The following C4orf17 variants were observed in gnomAD, a reference collection of about 807,000 sequenced individuals.
The protein encoded by C4orf17 is uncharacterized protein C4orf17.
A neutral mutation model predicts 32.0 loss-of-function variants in C4orf17; 25 were observed. That is an observed-to-expected ratio of 0.78 (90% CI 0.57 to 1.09). The LOEUF (loss-of-function observed/expected upper bound fraction) is 1.09, where lower values mean the gene tolerates loss of function less well. C4orf17 is among the 50% of genes least tolerant of loss of function. The pLI, the probability that C4orf17 is intolerant of heterozygous loss-of-function variation, is 0.00. For synonymous variants in C4orf17, 149 were observed against 145.8 expected (o/e 1.02, Z -0.16); for missense variants, 420 against 420.0 (o/e 1.00, Z 0.00).
In C4orf17 at chr4:99,514,654, G is replaced by A. The variant is rs555806555; in HGVS notation, c.127+1446G>A. 2.0e-5 allele frequency among the ~76,000 whole-genome samples: 3 copies of A among 152,332 alleles called. No individual in the cohort carries two copies. The South Asian group carries it at 6.2e-4, about 32-fold the overall frequency. On this transcript the variant is annotated intron_variant, in intron 2 of 8. Coordinates refer to ENST00000326581, the MANE Select transcript of C4orf17 (RefSeq NM_032149.3). ...AGGGAACACTTTTACACTTATGGTA[G>A]AAGTGTAAACTAGTGTACAACCACT...
At chr4:99,533,707 T>C (rs1441534059) in intron 5 of C4orf17, among the ~76,000 whole-genome samples, 4 of 152,188 alleles carry the variant, frequency 2.6e-5, no homozygotes, top group Non-Finnish European at 5.9e-5. Flanking sequence ...AGGGTGATTC[T>C]GAGACCTGGT....
rs138776014 is a variant in C4orf17, at chr4:99,536,215, C to A, written c.547-1454C>A. ...GGTCAGGAGGAATGGGATCAGGGAC[C>A]TACTTAAAGAAGCAGTCTGACTGCT... On this transcript the variant is annotated intron_variant, in intron 5 of 8. Coordinates refer to ENST00000326581, the MANE Select transcript of C4orf17 (RefSeq NM_032149.3). 925 of 195,742 alleles carry A rather than the reference C, an allele frequency of 4.7e-3. 7 individuals are homozygous for A. The highest frequency in any genetic ancestry group is 0.019 in the African/African-American group (821 of 42,186). The allele number at this position is 195,742 out of a possible 1,614,324, so 12.1% of individuals were successfully genotyped here.
intron 2 of C4orf17, 31 bp from the exon 3 acceptor site, chr4:99,522,469 C>A: frequency 6.5e-7 from 1 of 1,545,790 alleles, no homozygotes; most frequent in Non-Finnish European, 8.9e-7. Context: ...GTTGCTTGAT[C>A]TGTCTCTTTT....
At chr4:99,518,485 T>TAA (rs574883283) in intron 2 of C4orf17, among the ~76,000 whole-genome samples, 1 of 8,004 alleles carries the variant, frequency 1.2e-4, no homozygotes, top group Non-Finnish European at 2.2e-4. Context: ...CCTGTCTCTT[T>TAA]AAAAAAAAAA....
At chr4:99,515,695 C>T (rs1397098806) in intron 2 of C4orf17, among the ~76,000 whole-genome samples, 1 of 151,688 alleles carries the variant, frequency 6.6e-6, no homozygotes, top group Non-Finnish European at 1.5e-5. Flanking sequence ...TACTCCTGAA[C>T]TTAAAATAAA....
intron 5 of C4orf17, among the ~76,000 whole-genome samples, chr4:99,533,427 T>C: frequency 6.6e-6 from 1 of 152,100 alleles, no homozygotes; most frequent in Non-Finnish European, 1.5e-5. Context: ...GATTGGACCA[T>C]TGAGAGAAGA....
chr4:99,538,687 GA>G (rs1431065581), intron 6 of C4orf17, among the ~76,000 whole-genome samples: 2 of 151,472 alleles, frequency 1.3e-5, no homozygotes, highest in Non-Finnish European at 2.9e-5. Flanking sequence ...GAACCAGAAA[GA>G]AAAAAAGAGA....
intron 2 of C4orf17, 70 bp downstream of exon 2, chr4:99,513,278 G>A: frequency 6.4e-7 from 1 of 1,573,678 alleles, no homozygotes; most frequent in South Asian, 1.1e-5. Context: ...ATTCTGGCAG[G>A]TAAACACAAC....
chr4:99,539,941 A>AAT (rs1257849994), intron 7 of C4orf17, among the ~76,000 whole-genome samples: 2 of 152,100 alleles, frequency 1.3e-5, no homozygotes, highest in Non-Finnish European at 2.9e-5. Context: ...ACAGAAGAAA[A>AAT]ATATATATTT....
intron 2 of C4orf17, among the ~76,000 whole-genome samples, chr4:99,514,553 G>A (rs1332925859): frequency 3.3e-5 from 5 of 152,064 alleles, no homozygotes; most frequent in Non-Finnish European, 7.4e-5. Flanking sequence ...ACAACAATGA[G>A]ATATCACCTT....
At chr4:99,521,685 A>G (rs1723289147) in intron 2 of C4orf17, among the ~76,000 whole-genome samples, 1 of 152,206 alleles carries the variant, frequency 6.6e-6, no homozygotes, top group Admixed American at 6.5e-5. Context: ...AGAAAACACT[A>G]TCCAGAAGCT....
intron 2 of C4orf17, among the ~76,000 whole-genome samples, chr4:99,521,636 A>G (rs780553339): frequency 3.0e-4 from 46 of 152,328 alleles, no homozygotes; most frequent in Non-Finnish European, 6.2e-4. Flanking sequence ...TAGGTGAACC[A>G]GTGGTACTGG....
In C4orf17 at chr4:99,537,683, C is replaced by G. The variant is rs34271979; in HGVS notation, c.561C>G (p.Leu187=). ...TTCTCTGTCAGATCCTGGCAAAGCT[C>G]TGTAGCATTTTGCATACTGATTCTC... ...LDQEIKILAK[L]CSILHTDSLA... is the part of the protein sequence containing the mutation. The change falls in exon 6 of 9, where the codon CTC becomes CTG. Residue 187 remains leucine, a synonymous_variant. Coordinates refer to ENST00000326581, the MANE Select transcript of C4orf17 (RefSeq NM_032149.3). The G allele has an allele frequency of 3.9e-3, 6,333 of 1,612,214 alleles. 18 individuals carry two copies. The highest frequency in any genetic ancestry group is 5.0e-3 in the Non-Finnish European group (5,843 of 1,179,416).
chr4:99,526,587 A>T (rs1481679714), intron 4 of C4orf17, among the ~76,000 whole-genome samples: 1 of 151,826 alleles, frequency 6.6e-6, no homozygotes, highest in Non-Finnish European at 1.5e-5. Flanking sequence ...CTTCAGTAAA[A>T]TATTAGGCTT....
At chr4:99,521,744 C>T (rs1302742375) in intron 2 of C4orf17, among the ~76,000 whole-genome samples, 3 of 152,200 alleles carry the variant, frequency 2.0e-5, no homozygotes, top group African/African-American at 7.2e-5. Flanking sequence ...TAATACCTGT[C>T]ATAACTCATT....
intron 5 of C4orf17, among the ~76,000 whole-genome samples, chr4:99,536,806 C>T (rs1723570614): frequency 6.6e-6 from 1 of 152,158 alleles, no homozygotes; most frequent in African/African-American, 2.4e-5. Context: ...GATGTTGGTA[C>T]TGAACAGACA....
At position 99,529,836 on chromosome 4, in the gene C4orf17, C is replaced by A; in HGVS notation, c.424C>A (p.Pro142Thr). 1 of 1,610,154 alleles carries A rather than the reference C, an allele frequency of 6.2e-7. No homozygotes were observed. Among genetic ancestry groups the A allele is most frequent in the African/African-American group, 1.3e-5 (1 of 74,572 alleles). The change falls in exon 5 of 9, where the codon CCA becomes ACA. Residue 142 changes from proline (P) to threonine (T), a missense_variant. By Grantham distance (38) the Pro-to-Thr change is conservative. Transcript: ENST00000326581. ...IKKEEIKAKR[P>T]PSPPKACSTP... is the part of the protein sequence containing the mutation. ...TTAGGAAGAAATTAAGGCCAAAAGA[C>A]CACCATCACCTCCAAAGGCATGCTC...
intron 2 of C4orf17, 92 bp from the exon 3 acceptor site, chr4:99,522,408 G>T: frequency 2.1e-6 from 2 of 957,628 alleles, no homozygotes; most frequent in South Asian, 1.6e-5. Context: ...AATGATATTT[G>T]GTTGGGAAAT....
In C4orf17 at chr4:99,541,991, CT is replaced by C; in HGVS notation, c.963del (p.Pro322LeufsTer63). On this transcript the variant is annotated frameshift_variant, in exon 9 of 9. Coordinates refer to ENST00000326581, the MANE Select transcript of C4orf17 (RefSeq NM_032149.3). LOFTEE classifies it low-confidence loss of function (END_TRUNC). The stretch of plus-strand genomic sequence containing the variant: ...GCAGAATATTTCAGCAAACCAAATT[CT>C]CCTCCCAGGCCTAACACTCAGGAGA... The part of the protein sequence containing the change: ...PVAEYFSKPN[S>X]PPRPNTQESG... 1 of 1,613,962 alleles carries C rather than the reference CT, an allele frequency of 6.2e-7. No homozygotes were observed. The highest frequency in any genetic ancestry group is 1.7e-4 in the Middle Eastern group (1 of 6,058).
Sources: gnomAD v4.1 joint callset for allele counts (sites outside exome capture counted in the v4.1 genomes callset) on GRCh38, gnomAD v4.1.1 for gene constraint, MANE v1.5 for transcripts, NCBI Gene and HGNC (gene_info 2026-07-23, HGNC 2026-07-21) for gene names.